NPHP4: variants seen among roughly 807,000 people sequenced by gnomAD.
The protein encoded by NPHP4 is nephrocystin-4.
A neutral mutation model predicts 155.8 loss-of-function variants in NPHP4; 151 were observed. The observed-to-expected ratio is 0.97, with a 90% CI of 0.85 to 1.11. The LOEUF is 1.11. Among genes scored for constraint, NPHP4 ranks in the 50% least tolerant of loss-of-function variants. The pLI, the probability that NPHP4 is intolerant of heterozygous loss-of-function variation, is 0.00. For missense variants in NPHP4, 1,956 were observed against 1,925.7 expected, an observed-to-expected ratio of 1.02 and a Z score of -0.29; for synonymous variants, 845 against 816.8, an observed-to-expected ratio of 1.03 and a Z score of -0.59.
chr1:5,962,270 C>G (rs1650468661), intron 5 of NPHP4, among the ~76,000 whole-genome samples: 1 of 152,174 alleles, frequency 6.6e-6, no homozygotes, highest in South Asian at 2.1e-4. Flanking sequence ...GCCTCAAACT[C>G]CAGGGCTCAA....
intron 11 of NPHP4, among the ~76,000 whole-genome samples, chr1:5,909,806 G>A (rs1456216915): frequency 1.3e-5 from 2 of 152,132 alleles, no homozygotes; most frequent in African/African-American, 4.8e-5. Flanking sequence ...GAACTGCCTT[G>A]GCCCTTTATA....
Position 5,964,941 on chromosome 1 carries a change from A to ATTTTTTTTTTTTTTTTTTTTTTT in NPHP4, c.517+2357_517+2358insAAAAAAAAAAAAAAAAAAAAAAA, listed in dbSNP as rs55734317. Among the ~76,000 whole-genome samples the ATTTTTTTTTTTTTTTTTTTTTTT allele has an allele frequency of 1.3e-4, 8 of 59,416 alleles. 1 individual carries two copies. Among genetic ancestry groups the ATTTTTTTTTTTTTTTTTTTTTTT allele is most frequent in the South Asian group, 5.2e-4 (1 of 1,914 alleles). The allele number at this position is 59,416 out of a possible 152,430, so 39.0% of individuals were successfully genotyped here. A position where few individuals can be genotyped will look rare whatever the true frequency, so the allele number is the denominator to read the frequency against. ...ATTATATATATATATATATATATAT[A>ATTTTTTTTTTTTTTTTTTTTTTT]TTTTTTTTTTTTGAGGCAGGGTCTC... On this transcript the variant is annotated intron_variant, in intron 5 of 29. Transcript: ENST00000378156.
intron 25 of NPHP4, among the ~76,000 whole-genome samples, 171 bp downstream of exon 25, chr1:5,866,859 C>T (rs146196623): frequency 6.6e-6 from 1 of 152,186 alleles, no homozygotes; most frequent in Non-Finnish European, 1.5e-5. Flanking sequence ...TAAAAACACA[C>T]TCATAAAGCT....
chr1:5,864,981 C>A, intron 27 of NPHP4, 121 bp downstream of exon 27: 1 of 965,258 alleles, frequency 1.0e-6, no homozygotes, highest in Non-Finnish European at 1.6e-6. Flanking sequence ...AGCGTCTGCG[C>A]GCTGGAGGCG....
intron 26 of NPHP4, chr1:5,865,490 T>C: frequency 6.4e-6 from 3 of 467,616 alleles, no homozygotes; most frequent in Non-Finnish European, 7.6e-6. Context: ...GCTCCACCCC[T>C]GGCTGCCCAT....
intron 5 of NPHP4, among the ~76,000 whole-genome samples, chr1:5,964,941 A>ATATATATTTTTTTTTTTTTTTTT: frequency 1.2e-4 from 7 of 59,416 alleles, no homozygotes; most frequent in African/African-American, 5.9e-4. Flanking sequence ...ATATATATAT[A>ATATATATTTTTTTTTTTTTTTTT]TTTTTTTTTT....
chr1:5,964,941 A>ATATATATATTTTTTTTTTTTTTTT, intron 5 of NPHP4, among the ~76,000 whole-genome samples: 3 of 59,414 alleles, frequency 5.0e-5, no homozygotes, highest in African/African-American at 2.5e-4. Context: ...ATATATATAT[A>ATATATATATTTTTTTTTTTTTTTT]TTTTTTTTTT....
intron 3 of NPHP4, among the ~76,000 whole-genome samples, chr1:5,977,717 G>T (rs966859131): frequency 6.7e-6 from 1 of 149,708 alleles, no homozygotes; most frequent in African/African-American, 2.5e-5. Flanking sequence ...GTGAAAACAC[G>T]CTGCTCAACC....
intron 7 of NPHP4, among the ~76,000 whole-genome samples, chr1:5,952,335 A>G (rs1239625062): frequency 6.6e-6 from 1 of 152,212 alleles, no homozygotes; most frequent in Non-Finnish European, 1.5e-5. Flanking sequence ...TTAAATGAGG[A>G]CTATTTCATG....
intron 7 of NPHP4, among the ~76,000 whole-genome samples, chr1:5,950,975 A>C (rs1019513912): frequency 6.6e-6 from 1 of 152,232 alleles, no homozygotes. Flanking sequence ...ACAGCCTCCC[A>C]CGGGAGCATG....
At position 5,867,248 on chromosome 1, in the gene NPHP4, G is replaced by C; in HGVS notation, c.3473-133C>G. On this transcript the variant is annotated intron_variant, in intron 24 of 29. Coordinates refer to ENST00000378156, the MANE Select transcript of NPHP4 (RefSeq NM_015102.5). The surrounding 1 kb of genome is among the most constrained non-coding windows in gnomAD (Gnocchi z 4.1). ...TCAGCAAGACACCTGCTGGGGAAAC[G>C]GACGCCGCCACCTTTCCCAGGACAG... is the stretch of plus-strand genomic sequence containing the variant. The C allele has an allele frequency of 1.5e-6, 1 of 657,476 alleles. No homozygotes were observed. 40.7% of individuals were successfully genotyped at this position (657,476 alleles called of 1,614,324 possible). A position where few individuals can be genotyped will look rare whatever the true frequency, so the allele number is the denominator to read the frequency against.
rs760801137 is a variant in NPHP4, at chr1:5,947,250, C to T, written c.993-20G>A. ...CCGGAGCTGGGTCAGAAACACAAACCAGGGACACATTAGAGCTCGAGCTCC... is the reference window on the plus strand; with the variant it reads ...CCGGAGCTGGGTCAGAAACACAAACTAGGGACACATTAGAGCTCGAGCTCC... On this transcript the variant is annotated intron_variant, in intron 8 of 29. Coordinates refer to ENST00000378156, the MANE Select transcript of NPHP4 (RefSeq NM_015102.5). 1.9e-6 allele frequency: 3 copies of T among 1,612,796 alleles called. No individual in the cohort carries two copies. Among genetic ancestry groups the T allele is most frequent in the Non-Finnish European group, 2.5e-6 (3 of 1,179,362 alleles).
rs532416811 is a variant in NPHP4, at chr1:5,965,101, G to T, written c.517+2198C>A. Reference sequence around the variant, plus strand: ...GGGCGCACCGCCATACCCAGTTAATGTTTGTATTTTTTGTAGAGATGGGGT... The same window carrying T: ...GGGCGCACCGCCATACCCAGTTAATTTTTGTATTTTTTGTAGAGATGGGGT... On this transcript the variant is annotated intron_variant, in intron 5 of 29. Transcript: ENST00000378156. 2.9e-3 allele frequency among the ~76,000 whole-genome samples: 434 copies of T among 150,844 alleles called. 2 individuals carry two copies. Among genetic ancestry groups the T allele is most frequent in the Non-Finnish European group, 4.7e-3 (319 of 67,678 alleles).
chr1:5,932,660 TA>T (rs35273263), intron 10 of NPHP4, among the ~76,000 whole-genome samples: 278 of 136,700 alleles, frequency 2.0e-3, no homozygotes, highest in Middle Eastern at 3.8e-3. Context: ...ATTTCAGAAT[TA>T]AAAAAAAAAA....
intron 6 of NPHP4, among the ~76,000 whole-genome samples, chr1:5,959,557 C>CTGCA (rs1332346790): frequency 6.6e-6 from 1 of 152,108 alleles, no homozygotes; most frequent in East Asian, 1.9e-4. Flanking sequence ...TTCTGTTGGT[C>CTGCA]TGCAGTTCTA....
rs985774455 is a variant in NPHP4, at chr1:5,863,929, G to T, written c.4101C>A (p.Asp1367Glu). 2.5e-6 allele frequency: 4 copies of T among 1,613,908 alleles called. No individual in the cohort carries two copies. Among genetic ancestry groups the T allele is most frequent in the South Asian group, 1.1e-5 (1 of 91,072 alleles). Residue 1367 changes from aspartate (D) to glutamate (E), a missense_variant, in exon 29 of 30, where the codon GAC becomes GAA. Physicochemically the swap from Asp to Glu is conservative, Grantham distance 45. Coordinates refer to ENST00000378156, the MANE Select transcript of NPHP4 (RefSeq NM_015102.5). ...PSRRTFHLHSDHPELLRFRED... is the reference protein window; with the variant it reads ...PSRRTFHLHSEHPELLRFRED... ...CTCTGAACCGCAGCAGCTCCGGGTG[G>T]TCGCTGTGCAGGTGGAATGTCCTCC...
At position 5,863,728 on chromosome 1, in the gene NPHP4, T is replaced by G. The variant is rs11121648; in HGVS notation, c.4140+162A>C. On this transcript the variant is annotated intron_variant, in intron 29 of 29. Transcript: ENST00000378156. The stretch of plus-strand genomic sequence containing the variant: ...TTGCTAAATCTCCAGCTACTAAAGA[T>G]ACAACGGGCCCACCCAACTATGGGA... The G allele has an allele frequency of 0.56, 408,144 of 729,782 alleles. 116,195 individuals are homozygous for G. Among genetic ancestry groups the G allele is most frequent in the African/African-American group, 0.6 (34,402 of 57,256 alleles). 45.2% of individuals were successfully genotyped at this position (729,782 alleles called of 1,614,324 possible). A position where few individuals can be genotyped will look rare whatever the true frequency, so the allele number is the denominator to read the frequency against.
intron 3 of NPHP4, among the ~76,000 whole-genome samples, chr1:5,975,968 C>T (rs1653489605): frequency 6.6e-6 from 1 of 152,198 alleles, no homozygotes; most frequent in Admixed American, 6.5e-5. Flanking sequence ...GGTCCGAAGC[C>T]TCTCTAAAGG....
intron 2 of NPHP4, among the ~76,000 whole-genome samples, chr1:5,980,613 G>C (rs972492394): frequency 6.6e-6 from 1 of 152,166 alleles, no homozygotes; most frequent in Non-Finnish European, 1.5e-5. Flanking sequence ...GAGGGGCAGG[G>C]AGGGTGACAG....
Sources: allele counts gnomAD v4.1 joint callset (sites outside exome capture counted in the v4.1 genomes callset), GRCh38; gene constraint gnomAD v4.1.1; non-coding constraint Gnocchi (gnomAD v3.1); transcripts MANE v1.5; gene names NCBI Gene and HGNC (gene_info 2026-07-23, HGNC 2026-07-21).